The following HTR3A variants were observed in gnomAD, a reference collection of about 807,000 sequenced individuals.
The protein encoded by HTR3A is 5-hydroxytryptamine (serotonin) receptor 3A, ionotropic.
In HTR3A, 45 loss-of-function variants were observed where a neutral mutation model predicts 54.8. That is an observed-to-expected ratio of 0.82 (90% CI 0.65 to 1.05). The LOEUF is 1.05. Ranked by LOEUF, HTR3A falls within the 50% of genes least tolerant of loss-of-function variation. The pLI is 0.00. For missense variants in HTR3A, 657 were observed against 614.0 expected (o/e 1.07, Z -0.74); for synonymous variants, 297 against 256.0 (o/e 1.16, Z -1.53).
chr11:113,989,813 C>G lies in HTR3A; in HGVS notation c.*50C>G. ...GGGTACAGTCCTGGTTAGGTGGGGA[C>G]AGAGGATTTCTGCTTAGGCCCCTCA... On this transcript the variant is annotated 3_prime_UTR_variant, in exon 9 of 9. Coordinates refer to ENST00000504030, the MANE Select transcript of HTR3A (RefSeq NM_000869.6). The surrounding 1 kb of genome is among the most constrained non-coding windows in gnomAD (Gnocchi z 4.4). 15 of 1,586,794 alleles carry G rather than the reference C, an allele frequency of 9.5e-6. No individual in the cohort carries two copies. The highest frequency in any genetic ancestry group is 1.3e-5 in the Non-Finnish European group (15 of 1,167,116).
At chr11:113,978,845 C>T (rs975729768) in intron 2 of HTR3A, among the ~76,000 whole-genome samples, 2 of 152,020 alleles carry the variant, frequency 1.3e-5, no homozygotes, top group African/African-American at 2.4e-5. Flanking sequence ...AAAAATTAGT[C>T]GGGCATGGTG....
Position 113,975,292 on chromosome 11 carries a change from A to T in HTR3A, c.-34A>T. 1.2e-6 allele frequency: 2 copies of T among 1,611,874 alleles called. No individual in the cohort carries two copies. Among genetic ancestry groups the T allele is most frequent in the South Asian group, 2.2e-5 (2 of 90,862 alleles). On this transcript the variant is annotated 5_prime_UTR_variant, in exon 1 of 9. Coordinates refer to ENST00000504030, the MANE Select transcript of HTR3A (RefSeq NM_000869.6). The stretch of plus-strand genomic sequence containing the variant: ...GCCCTTGGTGGGCCTCGTCCTGAGC[A>T]CTCGGAGGCACTCCTATGCTTGGAA...
intron 3 of HTR3A, 72 bp from the exon 4 acceptor site, chr11:113,981,131 C>T (rs11607240): frequency 0.071 from 65,517 of 925,392 alleles, 2,833 homozygotes; most frequent in Non-Finnish European, 0.079. Flanking sequence ...AGGGTGAAGT[C>T]TGCCTGAGTT....
At position 113,986,191 on chromosome 11, in the gene HTR3A, T is replaced by C. The variant is rs767973648; in HGVS notation, c.705+16T>C. On this transcript the variant is annotated intron_variant, in intron 6 of 8. Transcript: ENST00000504030. ...GAAGTTCTATGTGAGTGGGAGTGAA[T>C]GTGGGTAAAATGGTGAATAAAGCTT... 15 of 1,613,910 alleles carry C rather than the reference T, an allele frequency of 9.3e-6. No homozygotes were observed. The East Asian group carries it at 3.1e-4, about 34-fold the overall frequency.
In HTR3A at chr11:113,986,715, C is replaced by T. The variant is rs1419113333; in HGVS notation, c.903C>T (p.Gly301=). 1.2e-6 allele frequency: 2 copies of T among 1,614,154 alleles called. No homozygotes were observed. The highest frequency in any genetic ancestry group is 2.2e-5 in the East Asian group (1 of 44,866). The change falls in exon 7 of 9, where the codon GGC becomes GGT. Residue 301 remains glycine, a synonymous_variant. Transcript: ENST00000504030. ...ACACGCTGCCGGCCACTGCCATCGG[C>T]ACTCCTCTCATTGGTAAGGCCCCTC... ...VSDTLPATAI[G]TPLIGVYFVV...
Position 113,980,951 on chromosome 11 carries a change from C to T in HTR3A, c.265-252C>T, listed in dbSNP as rs187008899. 1.1e-3 allele frequency: 551 copies of T among 511,354 alleles called. 1 individual carries two copies. The highest frequency in any genetic ancestry group is 1.0e-2 in the African/African-American group (520 of 52,016). The allele number at this position is 511,354 out of a possible 1,614,324, so 31.7% of individuals were successfully genotyped here. On this transcript the variant is annotated intron_variant, in intron 3 of 8. Transcript: ENST00000504030. ...TGGCGGAGGGGGAACTCACAGCATTCGAAATGACTGACTTCCTTCCTGGGG... is the reference window on the plus strand; with the variant it reads ...TGGCGGAGGGGGAACTCACAGCATTTGAAATGACTGACTTCCTTCCTGGGG...
At chr11:113,985,597 A>G (rs1485531052) in intron 5 of HTR3A, among the ~76,000 whole-genome samples, 1 of 152,170 alleles carries the variant, frequency 6.6e-6, no homozygotes, top group Non-Finnish European at 1.5e-5. Flanking sequence ...ACTTTTAAAG[A>G]TAGGCAGTTC....
intron 3 of HTR3A, among the ~76,000 whole-genome samples, chr11:113,980,348 C>T (rs149442979): frequency 1.7e-3 from 260 of 152,330 alleles, no homozygotes; most frequent in African/African-American, 6.0e-3. Flanking sequence ...AGACCAGATA[C>T]AGGTACTGAC....
rs1425387790 is a variant in HTR3A at position 113,990,135 on chromosome 11, T to C, written c.*372T>C. The C allele has an allele frequency of 2.1e-6, 1 of 469,514 alleles. No homozygotes were observed. The highest frequency in any genetic ancestry group is 4.2e-6 in the Non-Finnish European group (1 of 237,580). The allele number at this position is 469,514 out of a possible 1,614,324, so 29.1% of individuals were successfully genotyped here. A position where few individuals can be genotyped will look rare whatever the true frequency, so the allele number is the denominator to read the frequency against. ...GGAATTCTGCTTCTCTTTCACAACT[T>C]TGCTTTTAGGTTGAAGGCAAAACCA... On this transcript the variant is annotated 3_prime_UTR_variant, in exon 9 of 9. Transcript: ENST00000504030.
chr11:113,985,741 G>A (rs1421216412), intron 5 of HTR3A, among the ~76,000 whole-genome samples: 1 of 152,048 alleles, frequency 6.6e-6, no homozygotes, highest in African/African-American at 2.4e-5. Flanking sequence ...GAAGGAGAGA[G>A]AGCGCTTTCT....
chr11:113,978,028 A>G, intron 2 of HTR3A, 106 bp downstream of exon 2: 4 of 1,338,196 alleles, frequency 3.0e-6, no homozygotes, highest in Non-Finnish European at 4.3e-6. Context: ...TTGAGAACCC[A>G]TAGGACCTAC....
intron 1 of HTR3A, among the ~76,000 whole-genome samples, chr11:113,976,971 G>A (rs1488129015): frequency 6.6e-6 from 1 of 152,034 alleles, no homozygotes; most frequent in African/African-American, 2.4e-5. Context: ...AACAGCACCA[G>A]GGTCCAGGAG....
Position 113,989,518 on chromosome 11 carries a change from C to T in HTR3A, c.1192C>T (p.Pro398Ser), listed in dbSNP as rs1404509414. Residue 398 changes from proline (P) to serine (S), a missense_variant, in exon 9 of 9, where the codon CCG becomes TCG. Transcript: ENST00000504030. This position sits in a 1 kb window ranked among gnomAD's most constrained non-coding sequence, Gnocchi z 4.4. ...MGGPQDFEKS[P>S]RDRCSPPPPP... ...AGGACCCCAGGACTTCGAGAAGAGCCCGAGGGACAGATGTAGCCCTCCCCC... is the reference window on the plus strand; with the variant it reads ...AGGACCCCAGGACTTCGAGAAGAGCTCGAGGGACAGATGTAGCCCTCCCCC... 3.1e-6 allele frequency: 5 copies of T among 1,614,068 alleles called. No homozygotes were observed. The African/African-American group carries it at 6.7e-5, about 22-fold the overall frequency.
In HTR3A at chr11:113,981,302, A is replaced by T. The variant is rs371778174; in HGVS notation, c.364A>T (p.Ile122Phe). ...TDSIWVPDIL[I>F]NEFVDVGKSP... ...CAGCATCTGGGTCCCGGACATTCTC[A>T]TCAATGAGTTGTGAGTACCGTTATC... is the stretch of plus-strand genomic sequence containing the variant. Residue 122 changes from isoleucine (I) to phenylalanine (F), a missense_variant, in exon 4 of 9, where the codon ATC becomes TTC. Transcript: ENST00000504030. 1.2e-6 allele frequency: 2 copies of T among 1,604,316 alleles called. No individual in the cohort carries two copies. The highest frequency in any genetic ancestry group is 1.7e-6 in the Non-Finnish European group (2 of 1,171,216).
chr11:113,975,405 C>A lies in HTR3A; in HGVS notation c.67+13C>A. 1 of 1,607,738 alleles carries A rather than the reference C, an allele frequency of 6.2e-7. No individual in the cohort carries two copies. Among genetic ancestry groups the A allele is most frequent in the Non-Finnish European group, 8.5e-7 (1 of 1,178,102 alleles). ...GCACAGGGAGAAGGTAAGCAGACTT[C>A]GGGAAGCAGCAGGACTTGGCTGACC... On this transcript the variant is annotated intron_variant, in intron 1 of 8. Transcript: ENST00000504030.
Position 113,989,122 on chromosome 11 carries a change from GGCC to G in HTR3A, c.1139-342_1139-340del, listed in dbSNP as rs1950523361. Among the ~76,000 whole-genome samples the G allele has an allele frequency of 1.3e-5, 2 of 151,990 alleles. No individual in the cohort carries two copies. Among genetic ancestry groups the G allele is most frequent in the Non-Finnish European group, 2.9e-5 (2 of 68,022 alleles). ...CACCTGTAATCCCAGCACCACGGGA[GGCC>G]AAAGTAGGCGGATCACTTGAGGTCA... On this transcript the variant is annotated intron_variant, in intron 8 of 8. Transcript: ENST00000504030. This position sits in a 1 kb window ranked among gnomAD's most constrained non-coding sequence, Gnocchi z 4.4.
At chr11:113,976,594 T>C (rs890644533) in intron 1 of HTR3A, among the ~76,000 whole-genome samples, 6 of 148,776 alleles carry the variant, frequency 4.0e-5, no homozygotes, top group Non-Finnish European at 7.4e-5. Flanking sequence ...TGTGTGTGTG[T>C]GTGTGTGTGT....
Position 113,986,665 on chromosome 11 carries a change from T to A in HTR3A, c.853T>A (p.Ser285Thr), listed in dbSNP as rs1188691334. 6.2e-7 allele frequency: 1 copy of A among 1,614,066 alleles called. No homozygotes were observed. The highest frequency in any genetic ancestry group is 1.3e-5 in the African/African-American group (1 of 74,928). ...SFKITLLLGY[S>T]VFLIIVSDTL... ...CAAGATTACACTCCTCCTGGGCTAC[T>A]CGGTCTTCCTGATCATCGTTTCTGA... The change falls in exon 7 of 9, where the codon TCG becomes ACG. Residue 285 changes from serine to threonine, a missense_variant. Transcript: ENST00000504030.
intron 5 of HTR3A, among the ~76,000 whole-genome samples, chr11:113,985,067 A>G (rs978686156): frequency 3.3e-5 from 5 of 152,210 alleles, no homozygotes; most frequent in African/African-American, 4.8e-5. Context: ...TCTACCCTCA[A>G]TCCCAAACTT....
Sources: gnomAD v4.1 joint callset for allele counts (sites outside exome capture counted in the v4.1 genomes callset) on GRCh38, gnomAD v4.1.1 for gene constraint, Gnocchi (gnomAD v3.1) non-coding constraint, MANE v1.5 for transcripts, NCBI Gene and HGNC (gene_info 2026-07-23, HGNC 2026-07-21) for gene names.